The following SPDYA variants were observed in gnomAD, a reference collection of about 807,000 sequenced individuals.
The protein encoded by SPDYA is speedy/RINGO cell cycle regulator family member A.
In SPDYA, 11 loss-of-function variants were observed where a neutral mutation model predicts 36.7. The observed-to-expected ratio is 0.30, with a 90% CI of 0.19 to 0.50. SPDYA has a LOEUF of 0.50. SPDYA is among the 20% of genes least tolerant of loss of function. The probability of loss-of-function intolerance (pLI) is 0.98; values close to 1 mark genes in which losing one functional copy is unlikely to be tolerated. For synonymous variants in SPDYA, 115 were observed against 118.7 expected (o/e 0.97, Z 0.20); for missense variants, 287 against 370.9 (o/e 0.77, Z 1.86).
intron 5 of SPDYA, among the ~76,000 whole-genome samples, chr2:28,826,417 G>A (rs1444039534): frequency 1.3e-5 from 2 of 152,048 alleles, no homozygotes; most frequent in African/African-American, 4.8e-5. Context: ...GATTACAGAC[G>A]TGAGCCACTG....
Position 28,811,481 on chromosome 2 carries a change from A to C in SPDYA, c.-93+534A>C, listed in dbSNP as rs1026029029. ...TTTGAGATCTGAGCTGCTGTGTCTC[A>C]GTACCAGGCCCGTAGCTCATTTCTC... is the stretch of plus-strand genomic sequence containing the variant. On this transcript the variant is annotated intron_variant, in intron 1 of 7. Coordinates refer to ENST00000334056, the MANE Select transcript of SPDYA (RefSeq NM_182756.4). This position sits in a 1 kb window ranked among gnomAD's most constrained non-coding sequence, Gnocchi z 4.2. 6.6e-6 allele frequency among the ~76,000 whole-genome samples: 1 copy of C among 152,140 alleles called. No individual in the cohort carries two copies. Among genetic ancestry groups the C allele is most frequent in the African/African-American group, 2.4e-5 (1 of 41,440 alleles).
chr2:28,832,215 T>C (rs919329680), intron 6 of SPDYA, among the ~76,000 whole-genome samples: 4 of 152,186 alleles, frequency 2.6e-5, no homozygotes, highest in African/African-American at 9.7e-5. Context: ...GGCCACCAAA[T>C]ATCTCTATAT....
intron 7 of SPDYA, among the ~76,000 whole-genome samples, chr2:28,844,307 T>A (rs78110102): frequency 0.012 from 1,883 of 152,310 alleles, 23 homozygotes; most frequent in Non-Finnish European, 0.02. Context: ...GGGCATTGAC[T>A]GAGTCCTGTT....
chr2:28,815,312 A>T (rs1392847844), intron 2 of SPDYA, among the ~76,000 whole-genome samples: 4 of 150,166 alleles, frequency 2.7e-5, no homozygotes, highest in Non-Finnish European at 5.9e-5. Flanking sequence ...ACACACACAC[A>T]CACACACACA....
intron 7 of SPDYA, among the ~76,000 whole-genome samples, chr2:28,842,718 T>C (rs1387935142): frequency 6.6e-6 from 1 of 152,120 alleles, no homozygotes; most frequent in Non-Finnish European, 1.5e-5. Flanking sequence ...GTAAGCAATA[T>C]AAAGGAAAAG....
rs375902063 is a variant in SPDYA at position 28,831,219 on chromosome 2, G to A, written c.552+1900G>A. Among the ~76,000 whole-genome samples, 3 of 152,028 alleles carry A rather than the reference G, an allele frequency of 2.0e-5. No individual in the cohort carries two copies. The East Asian group carries it at 5.8e-4, about 29-fold the overall frequency. ...AAAAAATACAAAAAATTAGGTAGGCGTGGTGGTGCACACCTGTAGTCCCAG... is the reference window on the plus strand; with the variant it reads ...AAAAAATACAAAAAATTAGGTAGGCATGGTGGTGCACACCTGTAGTCCCAG... On this transcript the variant is annotated intron_variant, in intron 6 of 7. Coordinates refer to ENST00000334056, the MANE Select transcript of SPDYA (RefSeq NM_182756.4).
chr2:28,820,265 C>T (rs1204675406), intron 4 of SPDYA, among the ~76,000 whole-genome samples: 2 of 151,922 alleles, frequency 1.3e-5, no homozygotes, highest in South Asian at 2.1e-4. Flanking sequence ...CTGGGAGCAG[C>T]GATGTTTCTA....
intron 5 of SPDYA, among the ~76,000 whole-genome samples, 194 bp downstream of exon 5, chr2:28,822,604 T>TA (rs1668196186): frequency 2.0e-5 from 3 of 152,118 alleles, no homozygotes; most frequent in East Asian, 3.9e-4. Context: ...AAGATTTCCT[T>TA]TTTTATTTAT....
At chr2:28,842,681 A>G (rs544947130) in intron 7 of SPDYA, among the ~76,000 whole-genome samples, 49 of 152,312 alleles carry the variant, frequency 3.2e-4, no homozygotes, top group Non-Finnish European at 5.9e-4. Flanking sequence ...GTTAACTGTA[A>G]AACTCTTTGT....
Position 28,838,148 on chromosome 2 carries a change from G to A in SPDYA, c.553-2024G>A, listed in dbSNP as rs139635738. ...GACACCCTATGGCCCAGAAAGTTGT[G>A]TAATTTGCCCAAGGTCATAGAAGTA... On this transcript the variant is annotated intron_variant, in intron 6 of 7. Coordinates refer to ENST00000334056, the MANE Select transcript of SPDYA (RefSeq NM_182756.4). Among the ~76,000 whole-genome samples, 203 of 148,094 alleles carry A rather than the reference G, an allele frequency of 1.4e-3. 1 individual carries two copies. Among genetic ancestry groups the A allele is most frequent in the Non-Finnish European group, 2.4e-3 (160 of 67,230 alleles).
chr2:28,840,771 C>A, intron 7 of SPDYA: 1 of 1,055,584 alleles, frequency 9.5e-7, no homozygotes, highest in Non-Finnish European at 1.1e-6. Flanking sequence ...AAAAGGGTTT[C>A]AAGAAGAAAA....
chr2:28,817,542 CAA>C (rs1172482336), intron 3 of SPDYA, among the ~76,000 whole-genome samples: 1 of 149,784 alleles, frequency 6.7e-6, no homozygotes, highest in Non-Finnish European at 1.5e-5. Context: ...GCCTGGGCAA[CAA>C]GAGTGAAACT....
intron 5 of SPDYA, among the ~76,000 whole-genome samples, chr2:28,825,250 T>TA (rs1413435821): frequency 1.3e-5 from 2 of 151,988 alleles, no homozygotes. Context: ...GTTTTTTTTT[T>TA]ACCTGAGAAT....
Position 28,822,423 on chromosome 2 carries a change from TCTA to T in SPDYA, c.380+17_380+19del, listed in dbSNP as rs1425137106. Reference sequence around the variant, plus strand: ...TCTTTATTGCTCTGTAAGTATACTTTCTACTAAGTGATTGTTGTGTTATCTATT... The same window carrying T: ...TCTTTATTGCTCTGTAAGTATACTTTCTAAGTGATTGTTGTGTTATCTATT... On this transcript the variant is annotated intron_variant, in intron 5 of 7. Coordinates refer to ENST00000334056, the MANE Select transcript of SPDYA (RefSeq NM_182756.4). The T allele has an allele frequency of 7.3e-7, 1 of 1,363,336 alleles. No individual in the cohort carries two copies. Among genetic ancestry groups the T allele is most frequent in the East Asian group, 2.4e-5 (1 of 42,396 alleles). 84.5% of individuals were successfully genotyped at this position (1,363,336 alleles called of 1,614,324 possible). A position where few individuals can be genotyped will look rare whatever the true frequency, so the allele number is the denominator to read the frequency against.
chr2:28,822,192 A>G (rs567465161), intron 4 of SPDYA, 133 bp from the exon 5 acceptor site: 17 of 424,048 alleles, frequency 4.0e-5, no homozygotes, highest in African/African-American at 3.5e-4. Context: ...AAAATTAAGT[A>G]CACAATTCTA....
At chr2:28,815,328 G>A (rs1667959281) in intron 2 of SPDYA, among the ~76,000 whole-genome samples, 1 of 129,132 alleles carries the variant, frequency 7.7e-6, no homozygotes. Flanking sequence ...ACACACACAC[G>A]AGAAAAAAAG....
At chr2:28,813,292 AT>A (rs1423313444) in intron 1 of SPDYA, among the ~76,000 whole-genome samples, 14 of 152,120 alleles carry the variant, frequency 9.2e-5, no homozygotes, top group Admixed American at 2.6e-4. Flanking sequence ...TACCTTTTTG[AT>A]TGATAGAAAA....
At chr2:28,845,833 C>T (rs1444365546) in intron 7 of SPDYA, among the ~76,000 whole-genome samples, 3 of 152,176 alleles carry the variant, frequency 2.0e-5, no homozygotes, top group Non-Finnish European at 4.4e-5. Flanking sequence ...GCGTGAGCCA[C>T]CGCGCCCGAC....
At chr2:28,829,769 C>T (rs1449324640) in intron 6 of SPDYA, among the ~76,000 whole-genome samples, 1 of 151,716 alleles carries the variant, frequency 6.6e-6, no homozygotes, top group East Asian at 1.9e-4. Flanking sequence ...TGGTGAAACC[C>T]GTCTCTACTA....
Sources: gnomAD v4.1 joint callset for allele counts (sites outside exome capture counted in the v4.1 genomes callset) on GRCh38, gnomAD v4.1.1 for gene constraint, Gnocchi (gnomAD v3.1) non-coding constraint, MANE v1.5 for transcripts, NCBI Gene and HGNC (gene_info 2026-07-23, HGNC 2026-07-21) for gene names.